Variants in ELP1 observed in about 807,000 individuals in gnomAD.
ELP1 encodes the protein elongator acetyltransferase complex subunit 1.
ELP1 carries 131 observed loss-of-function variants against 183.2 expected under a neutral mutation model. The ratio of observed to expected loss-of-function variants is 0.72; its 90% CI spans 0.62 to 0.83. The LOEUF is 0.83. Among genes scored for constraint, ELP1 ranks in the 40% least tolerant of loss-of-function variants. The pLI is 0.00. For missense variants in ELP1, 1,550 were observed against 1,594.9 expected (o/e 0.97, Z 0.48); for synonymous variants, 555 against 569.0 (o/e 0.98, Z 0.35).
chr9:108,911,096 T>G lies in ELP1; in HGVS notation c.1274A>C (p.Asn425Thr). The change falls in exon 12 of 37, where the codon AAT becomes ACT. Residue 425 changes from asparagine to threonine, a missense_variant. By Grantham distance (65) the Asn-to-Thr change is moderately conservative (BLOSUM62 0). Coordinates refer to ENST00000374647, the MANE Select transcript of ELP1 (RefSeq NM_003640.5). ...TYQLLFPHPVNQVTFLAHPQK... is the reference protein window; with the variant it reads ...TYQLLFPHPVTQVTFLAHPQK... ...AGGGTGTGCTAAGAATGTGACTTGA[T>G]TCACAGGGTGTGGGAACAGCAGTTG... is the stretch of plus-strand genomic sequence containing the variant. 1 of 1,614,066 alleles carries G rather than the reference T, an allele frequency of 6.2e-7. No homozygotes were observed. Among genetic ancestry groups the G allele is most frequent in the Non-Finnish European group, 8.5e-7 (1 of 1,179,988 alleles).
chr9:108,897,313 A>T, intron 22 of ELP1, 28 bp from the exon 23 acceptor site: 1 of 1,613,518 alleles, frequency 6.2e-7, no homozygotes, highest in Non-Finnish European at 8.5e-7. Context: ...TGGAATGGTC[A>T]TCAACAGAAC....
intron 14 of ELP1, among the ~76,000 whole-genome samples, chr9:108,904,245 ATTTTTT>A (rs57450962): frequency 5.8e-4 from 77 of 132,444 alleles, no homozygotes; most frequent in Admixed American, 5.6e-4. Flanking sequence ...AAATTTCACT[ATTTTTT>A]TTTTTTTTTT....
chr9:108,899,704 T>G, intron 20 of ELP1, 118 bp downstream of exon 20: 109 of 761,760 alleles, frequency 1.4e-4, no homozygotes, highest in East Asian at 4.6e-4. Flanking sequence ...ATCTGATTGA[T>G]GATATAGGTA....
At chr9:108,893,851 AG>A (rs1828435920) in intron 26 of ELP1, 91 bp downstream of exon 26, 1 of 1,329,280 alleles carries the variant, frequency 7.5e-7, no homozygotes, top group South Asian at 1.2e-5. Flanking sequence ...AAGTGAAATC[AG>A]TCACTGTCTA....
intron 16 of ELP1, among the ~76,000 whole-genome samples, chr9:108,902,056 C>T (rs1192657412): frequency 6.6e-6 from 1 of 152,202 alleles, no homozygotes; most frequent in Non-Finnish European, 1.5e-5. Flanking sequence ...TTAAAAATCA[C>T]AAGAAGTTTC....
chr9:108,901,457 T>G lies in ELP1; in HGVS notation c.1982A>C (p.Gln661Pro), dbSNP rs763036149. The change falls in exon 18 of 37, where the codon CAG (glutamine) becomes CCG (proline). Residue 661 changes from glutamine (Q) to proline (P), a missense_variant. Coordinates refer to ENST00000374647, the MANE Select transcript of ELP1 (RefSeq NM_003640.5). ...LLLTTHSHTCQCFCLRDASFK... is the reference protein window; with the variant it reads ...LLLTTHSHTCPCFCLRDASFK... ...TGAAGCATCCCTCAGGCAAAAACACTGGCAGGTATGGGAATGGGTTGTCAA... is the reference window on the plus strand; with the variant it reads ...TGAAGCATCCCTCAGGCAAAAACACGGGCAGGTATGGGAATGGGTTGTCAA... 3 of 1,613,958 alleles carry G rather than the reference T, an allele frequency of 1.9e-6. No homozygotes were observed. Among genetic ancestry groups the G allele is most frequent in the Non-Finnish European group, 2.5e-6 (3 of 1,179,780 alleles).
chr9:108,886,019 G>T (rs1435077948), intron 29 of ELP1, among the ~76,000 whole-genome samples: 1 of 152,214 alleles, frequency 6.6e-6, no homozygotes, highest in Non-Finnish European at 1.5e-5. Context: ...CAGATAGAGA[G>T]ACCTAAGAAT....
In ELP1 at chr9:108,900,703, C is replaced by T. The variant is rs117660102; in HGVS notation, c.2015-328G>A. Among the ~76,000 whole-genome samples, 6,351 of 152,162 alleles carry T rather than the reference C, an allele frequency of 0.042. 188 individuals carry two copies. The highest frequency in any genetic ancestry group is 0.061 in the Non-Finnish European group (4,143 of 68,000). On this transcript the variant is annotated intron_variant, in intron 18 of 36. Transcript: ENST00000374647. ...ATCATATCAATGAAAGAAAGATTCC[C>T]TATTTCCAAGTTGGAAGCAAAGAAA...
intron 28 of ELP1, among the ~76,000 whole-genome samples, chr9:108,890,039 TA>T (rs1448714211): frequency 1.3e-5 from 2 of 152,170 alleles, no homozygotes; most frequent in Non-Finnish European, 2.9e-5. Context: ...CTACTTTTGC[TA>T]AACATCTGAG....
intron 12 of ELP1, among the ~76,000 whole-genome samples, chr9:108,909,709 TCTC>T (rs1417900927): frequency 1.3e-5 from 2 of 152,172 alleles, no homozygotes; most frequent in Non-Finnish European, 2.9e-5. Flanking sequence ...GACAACAGCT[TCTC>T]CTAACTAGAA....
intron 33 of ELP1, among the ~76,000 whole-genome samples, chr9:108,879,055 G>A (rs1827814197): frequency 6.6e-6 from 1 of 152,138 alleles, no homozygotes; most frequent in Non-Finnish European, 1.5e-5. Flanking sequence ...TGGTAAAAGT[G>A]TTATGACTTA....
chr9:108,893,883 C>T, intron 26 of ELP1, 60 bp downstream of exon 26: 2 of 1,574,326 alleles, frequency 1.3e-6, no homozygotes, highest in Admixed American at 1.7e-5. Context: ...TTAATTTATA[C>T]CTTGCCTAGT....
rs189797561 is a variant in ELP1, at chr9:108,897,140, A to C, written c.2501+8T>G. The C allele has an allele frequency of 6.2e-7, 1 of 1,614,220 alleles. No homozygotes were observed. Among genetic ancestry groups the C allele is most frequent in the East Asian group, 2.2e-5 (1 of 44,886 alleles). Reference sequence around the variant, plus strand: ...TCAAAGGATGCCACCTGGTGACAGCATACATACTTATGAGGATTTATGCTC... The same window carrying C: ...TCAAAGGATGCCACCTGGTGACAGCCTACATACTTATGAGGATTTATGCTC... On this transcript the variant is annotated splice_region_variant and intron_variant, in intron 23 of 36. Transcript: ENST00000374647.
At chr9:108,933,552 C>T (rs3763642) in intron 1 of ELP1, among the ~76,000 whole-genome samples, 19,199 of 152,330 alleles carry the variant, frequency 0.13, 1,588 homozygotes, top group Middle Eastern at 0.19. Context: ...CCTCTATTAA[C>T]CGCCGCCTTC....
At position 108,934,009 on chromosome 9, in the gene ELP1, G is replaced by C; in HGVS notation, c.-201C>G. On this transcript the variant is annotated 5_prime_UTR_variant, in exon 1 of 37. Transcript: ENST00000374647. The stretch of plus-strand genomic sequence containing the variant: ...TGTCCGCGGCTCCCGCTCTCTCTCC[G>C]ACGGCACTAGGCCTCCAAGGATGGA... The C allele has an allele frequency of 6.4e-6, 1 of 156,652 alleles. No homozygotes were observed. Among genetic ancestry groups the C allele is most frequent in the Non-Finnish European group, 1.4e-5 (1 of 70,538 alleles). 9.7% of individuals were successfully genotyped at this position (156,652 alleles called of 1,614,324 possible).
intron 29 of ELP1, among the ~76,000 whole-genome samples, chr9:108,888,306 T>C (rs10816760): frequency 0.22 from 33,142 of 152,104 alleles, 4,018 homozygotes; most frequent in African/African-American, 0.32. Flanking sequence ...AGAAATGTTC[T>C]AGATCATGAG....
intron 22 of ELP1, 135 bp from the exon 23 acceptor site, chr9:108,897,420 G>A: frequency 2.1e-6 from 2 of 939,226 alleles, no homozygotes; most frequent in East Asian, 2.5e-5. Flanking sequence ...TAAAAATATT[G>A]AGAAATAAAA....
At chr9:108,877,790 G>A (rs138294904) in intron 35 of ELP1, among the ~76,000 whole-genome samples, 2 of 152,168 alleles carry the variant, frequency 1.3e-5, no homozygotes, top group African/African-American at 4.8e-5. Flanking sequence ...GAAAATGACA[G>A]TCCATTTAAC....
chr9:108,897,182 T>C lies in ELP1; in HGVS notation c.2467A>G (p.Met823Val). 2.5e-6 allele frequency: 4 copies of C among 1,614,166 alleles called. No homozygotes were observed. The highest frequency in any genetic ancestry group is 2.5e-6 in the Non-Finnish European group (3 of 1,180,032). Reference sequence around the variant, plus strand: ...TTTATGCTCTCCATGACTGCTCTCATAGCATCGCAGACAAGGTCTATTTTA... The same window carrying C: ...TTTATGCTCTCCATGACTGCTCTCACAGCATCGCAGACAAGGTCTATTTTA... Reference protein sequence around the residue: ...GNKIDLVCDAMRAVMESINPH... With the variant: ...GNKIDLVCDAVRAVMESINPH... The change falls in exon 23 of 37, where the codon ATG becomes GTG. Residue 823 changes from methionine (M) to valine (V), a missense_variant. By Grantham distance (21) the Met-to-Val change is conservative. Coordinates refer to ENST00000374647, the MANE Select transcript of ELP1 (RefSeq NM_003640.5).
Sources: allele counts gnomAD v4.1 joint callset (sites outside exome capture counted in the v4.1 genomes callset), GRCh38; gene constraint gnomAD v4.1.1; transcripts MANE v1.5; gene names NCBI Gene and HGNC (gene_info 2026-07-23, HGNC 2026-07-21).